The following GMPR2 variants were observed in gnomAD, a reference collection of about 807,000 sequenced individuals.
The protein encoded by GMPR2 is guanosine monophosphate reductase 2, also known as GMP reductase 2.
A neutral mutation model predicts 38.5 loss-of-function variants in GMPR2; 32 were observed. That is an observed-to-expected ratio of 0.83 (90% CI 0.63 to 1.12). The LOEUF (loss-of-function observed/expected upper bound fraction) is 1.12. Among genes scored for constraint, GMPR2 ranks in the 50% most tolerant of loss-of-function variants. The pLI is 0.00. For missense variants in GMPR2, 396 were observed against 432.1 expected, an observed-to-expected ratio of 0.92 and a Z score of 0.74; for synonymous variants, 154 against 151.0, an observed-to-expected ratio of 1.02 and a Z score of -0.15.
chr14:24,234,144 T>C (rs1206370985), intron 3 of GMPR2: 3 of 1,289,374 alleles, frequency 2.3e-6, no homozygotes, highest in South Asian at 2.5e-5. Flanking sequence ...GTGCCCCAAA[T>C]GGGATGTGTT....
intron 8 of GMPR2, 47 bp downstream of exon 8, chr14:24,237,609 A>G: frequency 6.6e-7 from 1 of 1,515,064 alleles, no homozygotes; most frequent in Admixed American, 1.7e-5. Flanking sequence ...CAAGAGGATG[A>G]ATCACCTCTG....
intron 3 of GMPR2, chr14:24,235,434 C>G (rs539831286): frequency 2.4e-6 from 1 of 414,362 alleles, no homozygotes; most frequent in East Asian, 4.5e-5. Context: ...GCCTGTCCCA[C>G]TGCACCAGCA....
Position 24,236,122 on chromosome 14 carries a change from C to T in GMPR2, c.447C>T (p.Phe149=), listed in dbSNP as rs768547590. The part of the protein sequence containing the change: ...VEFVKDVRKR[F]PQHTIMAGNV... ...TTGTAAAAGATGTACGGAAGCGCTTCCCCCAGCACACCATCATGGTATGTT... is the reference window on the plus strand; with the variant it reads ...TTGTAAAAGATGTACGGAAGCGCTTTCCCCAGCACACCATCATGGTATGTT... The change falls in exon 5 of 10, where the codon TTC becomes TTT. Residue 149 remains phenylalanine, a synonymous_variant. Coordinates refer to ENST00000399440, the MANE Select transcript of GMPR2 (RefSeq NM_001002002.3). 79 of 1,613,428 alleles carry T rather than the reference C, an allele frequency of 4.9e-5. 1 individual carries two copies. The highest frequency in any genetic ancestry group is 6.4e-5 in the Non-Finnish European group (76 of 1,179,508).
intron 3 of GMPR2, chr14:24,234,216 C>T (rs776672361): frequency 2.3e-5 from 30 of 1,289,442 alleles, no homozygotes; most frequent in Non-Finnish European, 3.0e-5. Context: ...GTACTATTAC[C>T]TGCCTCTATA....
At position 24,233,554 on chromosome 14, in the gene GMPR2, A is replaced by C; in HGVS notation, c.163A>C (p.Met55Leu). The change falls in exon 3 of 10, where the codon ATG (methionine) becomes CTG (leucine). Residue 55 changes from methionine (M) to leucine (L), a missense_variant. Coordinates refer to ENST00000399440, the MANE Select transcript of GMPR2 (RefSeq NM_001002002.3). The part of the protein sequence containing the change: ...YSGVPIIAAN[M>L]DTVGTFEMAK... ...TGGGGTTCCCATCATTGCTGCCAAT[A>C]TGGATACTGTGGGCACCTTTGAGAT... 6.2e-7 allele frequency: 1 copy of C among 1,614,130 alleles called. No homozygotes were observed. Among genetic ancestry groups the C allele is most frequent in the Non-Finnish European group, 8.5e-7 (1 of 1,179,978 alleles).
rs2040152955 is a variant in GMPR2 at position 24,233,358 on chromosome 14, C to T, written c.87+18C>T. ...GAAGTGAGGTGAGCAAGCTTCTCTA[C>T]TTGCTGTTTCTTGACCCCACGCTCC... On this transcript the variant is annotated intron_variant, in intron 2 of 9. Transcript: ENST00000399440. The T allele has an allele frequency of 6.2e-7, 1 of 1,613,342 alleles. No individual in the cohort carries two copies. Among genetic ancestry groups the T allele is most frequent in the Non-Finnish European group, 8.5e-7 (1 of 1,179,316 alleles).
chr14:24,238,783 G>C lies in GMPR2; in HGVS notation c.*5G>C, dbSNP rs2138987444. ...ATCTTCAGTGAGGCGTGCTAGACCTGAGCAGTTCTACCCTCCCAAGGCACC... is the reference window on the plus strand; with the variant it reads ...ATCTTCAGTGAGGCGTGCTAGACCTCAGCAGTTCTACCCTCCCAAGGCACC... On this transcript the variant is annotated 3_prime_UTR_variant, in exon 10 of 10. Transcript: ENST00000399440. 1 of 1,610,266 alleles carries C rather than the reference G, an allele frequency of 6.2e-7. No homozygotes were observed. Among genetic ancestry groups the C allele is most frequent in the Non-Finnish European group, 8.5e-7 (1 of 1,179,052 alleles).
chr14:24,233,615 GC>G lies in GMPR2; in HGVS notation c.207+21del. 1 of 1,614,062 alleles carries G rather than the reference GC, an allele frequency of 6.2e-7. No homozygotes were observed. The highest frequency in any genetic ancestry group is 8.5e-7 in the Non-Finnish European group (1 of 1,179,946). ...CTCTGTAAGGTAGGGCTTTCCTCAT[GC>G]CCCATCCCTATTGGTGTCCAGTTAG... is the stretch of plus-strand genomic sequence containing the variant. On this transcript the variant is annotated intron_variant, in intron 3 of 9. Coordinates refer to ENST00000399440, the MANE Select transcript of GMPR2 (RefSeq NM_001002002.3).
In GMPR2 at chr14:24,235,830, G is replaced by A; in HGVS notation, c.291+10G>A. 6.2e-7 allele frequency: 1 copy of A among 1,607,276 alleles called. No individual in the cohort carries two copies. The highest frequency in any genetic ancestry group is 1.1e-5 in the South Asian group (1 of 90,960). On this transcript the variant is annotated intron_variant, in intron 4 of 9. Transcript: ENST00000399440. ...TCCTGACTGTCTTGAGGTAACACTG[G>A]GCATACCCTGCTCCCTTCCTTATCC... is the stretch of plus-strand genomic sequence containing the variant.
intron 8 of GMPR2, 135 bp from the exon 9 acceptor site, chr14:24,238,111 C>A: frequency 1.3e-6 from 1 of 754,036 alleles, no homozygotes; most frequent in Non-Finnish European, 2.2e-6. Flanking sequence ...GATTGTGGGT[C>A]AGCTAGGGAA....
At position 24,238,419 on chromosome 14, in the gene GMPR2, C is replaced by T; in HGVS notation, c.857+14C>T. 1 of 1,613,892 alleles carries T rather than the reference C, an allele frequency of 6.2e-7. No individual in the cohort carries two copies. Among genetic ancestry groups the T allele is most frequent in the Non-Finnish European group, 8.5e-7 (1 of 1,179,972 alleles). ...GGCTGAGTACAGGTATGTGTGGAGG[C>T]CCAGGAGCTTAGTAATAGTATGGAG... On this transcript the variant is annotated intron_variant, in intron 9 of 9. Coordinates refer to ENST00000399440, the MANE Select transcript of GMPR2 (RefSeq NM_001002002.3).
chr14:24,237,456 T>C, intron 7 of GMPR2, 64 bp from the exon 8 acceptor site: 1 of 1,559,760 alleles, frequency 6.4e-7, no homozygotes, highest in Non-Finnish European at 8.8e-7. Context: ...TGAGTTGGGC[T>C]GTTGGGACAT....
Position 24,236,044 on chromosome 14 carries a change from G to C in GMPR2, c.369G>C (p.Val123=). Residue 123 remains valine, a synonymous_variant, in exon 5 of 10, where the codon GTG becomes GTC. Coordinates refer to ENST00000399440, the MANE Select transcript of GMPR2 (RefSeq NM_001002002.3). ...LEQILEAIPQ[V]KYICLDVANG... ...AGATCCTGGAAGCTATTCCCCAGGT[G>C]AAGTATATATGCCTGGATGTGGCAA... 6.2e-7 allele frequency: 1 copy of C among 1,613,280 alleles called. No individual in the cohort carries two copies. The highest frequency in any genetic ancestry group is 8.5e-7 in the Non-Finnish European group (1 of 1,179,166).
In GMPR2 at chr14:24,235,512, T is replaced by C. The variant is rs367791025; in HGVS notation, c.208-225T>C. 188 of 565,968 alleles carry C rather than the reference T, an allele frequency of 3.3e-4. No homozygotes were observed. In the East Asian group the frequency reaches 4.1e-3, roughly 12 times the overall value. The allele number at this position is 565,968 out of a possible 1,614,324, so 35.1% of individuals were successfully genotyped here. ...ATGAAATCCAACCCAGATCACTCAG[T>C]ACTTTGGTGGGAAATCTGACAAGTA... is the stretch of plus-strand genomic sequence containing the variant. On this transcript the variant is annotated intron_variant, in intron 3 of 9. Coordinates refer to ENST00000399440, the MANE Select transcript of GMPR2 (RefSeq NM_001002002.3).
At position 24,238,927 on chromosome 14, in the gene GMPR2, C is replaced by G. The variant is rs1594544927; in HGVS notation, c.*149C>G. The G allele has an allele frequency of 1.4e-6, 1 of 721,428 alleles. No individual in the cohort carries two copies. The highest frequency in any genetic ancestry group is 2.5e-6 in the Non-Finnish European group (1 of 404,756). The allele number at this position is 721,428 out of a possible 1,614,324, so 44.7% of individuals were successfully genotyped here. On this transcript the variant is annotated 3_prime_UTR_variant, in exon 10 of 10. Coordinates refer to ENST00000399440, the MANE Select transcript of GMPR2 (RefSeq NM_001002002.3). ...TGAGGGCTCCTGCAGTAACTCTGTACTTCTCTATCTGCACACACAAAATGC... is the reference window on the plus strand; with the variant it reads ...TGAGGGCTCCTGCAGTAACTCTGTAGTTCTCTATCTGCACACACAAAATGC...
At chr14:24,235,508 T>G in intron 3 of GMPR2, 1 of 558,882 alleles carries the variant, frequency 1.8e-6, no homozygotes, top group Admixed American at 3.3e-5. Context: ...CCCAGATCAC[T>G]CAGTACTTTG....
chr14:24,237,019 G>T, intron 5 of GMPR2, 52 bp from the exon 6 acceptor site: 2 of 1,312,000 alleles, frequency 1.5e-6, no homozygotes, highest in South Asian at 2.4e-5. Flanking sequence ...AACAATACAT[G>T]ACCTCCTGTT....
intron 8 of GMPR2, 92 bp from the exon 9 acceptor site, chr14:24,238,154 G>C (rs1298181563): frequency 8.7e-7 from 1 of 1,152,080 alleles, no homozygotes. Flanking sequence ...ATCATTGTCA[G>C]GACTGAGAAT....
Position 24,233,248 on chromosome 14 carries a change from A to AG in GMPR2, c.-5dup, listed in dbSNP as rs1259214445. ...CAGATTCATCGCTACCCCGAGGCTA[A>AG]GCGCCATGCCTCATATTGACAACGA... is the stretch of plus-strand genomic sequence containing the variant. On this transcript the variant is annotated 5_prime_UTR_variant, in exon 2 of 10. Coordinates refer to ENST00000399440, the MANE Select transcript of GMPR2 (RefSeq NM_001002002.3). The AG allele has an allele frequency of 6.2e-7, 1 of 1,613,960 alleles. No individual in the cohort carries two copies. The highest frequency in any genetic ancestry group is 1.3e-5 in the African/African-American group (1 of 74,926).
Sources: allele counts gnomAD v4.1 joint callset, GRCh38; gene constraint gnomAD v4.1.1; transcripts MANE v1.5; gene names NCBI Gene and HGNC (gene_info 2026-07-23, HGNC 2026-07-21).